Variants in ATAD2B observed in about 807,000 individuals in gnomAD.
ATAD2B encodes ATPase family AAA domain-containing protein 2B.
In ATAD2B, 40 loss-of-function variants were observed where a neutral mutation model predicts 167.6. The ratio of observed to expected loss-of-function variants is 0.24; its 90% CI spans 0.19 to 0.31. The LOEUF is 0.31. Among genes scored for constraint, ATAD2B ranks in the 10% least tolerant of loss-of-function variants. The pLI, the probability that ATAD2B is intolerant of heterozygous loss-of-function variation, is 1.00. For synonymous variants in ATAD2B, 579 were observed against 596.5 expected (o/e 0.97, Z 0.43); for missense variants, 1,242 against 1,757.2 (o/e 0.71, Z 5.24).
At chr2:23,922,701 C>CAAAAAAAAAAAA (rs11386515) in intron 1 of ATAD2B, among the ~76,000 whole-genome samples, 10 of 126,482 alleles carry the variant, frequency 7.9e-5, no homozygotes, top group African/African-American at 2.6e-4. Context: ...GACTCTGTCT[C>CAAAAAAAAAAAA]AAAAAAAAAA....
chr2:23,788,370 T>C, intron 20 of ATAD2B, 142 bp downstream of exon 20: 1 of 930,238 alleles, frequency 1.1e-6, no homozygotes, highest in Non-Finnish European at 1.6e-6. Flanking sequence ...CAATGGACAC[T>C]TCCACACGTC....
At chr2:23,682,699 C>T in the ATAD2B span, among the ~76,000 whole-genome samples, 7 of 152,234 alleles carry the variant, frequency 4.6e-5, no homozygotes, top group African/African-American at 7.2e-5. The surrounding 1 kb of genome is among the most constrained non-coding windows in gnomAD (Gnocchi z 4.1). Flanking sequence ...CGCACCCTCC[C>T]GCGCCCTCCC....
At chr2:23,836,418 G>A (rs151330668) in intron 13 of ATAD2B, among the ~76,000 whole-genome samples, 6,457 of 152,234 alleles carry the variant, frequency 0.042, 198 homozygotes, top group Middle Eastern at 0.086. Context: ...GCTCCCTGAA[G>A]GGCTGCAGCT....
intron 1 of ATAD2B, among the ~76,000 whole-genome samples, chr2:23,910,735 G>A (rs1164088944): frequency 6.6e-6 from 1 of 151,754 alleles, no homozygotes; most frequent in Non-Finnish European, 1.5e-5. Flanking sequence ...GGGCGTGGGG[G>A]AGCACGCCTG....
chr2:23,725,982 A>G, the ATAD2B span, among the ~76,000 whole-genome samples: 1 of 152,156 alleles, frequency 6.6e-6, no homozygotes, highest in African/African-American at 2.4e-5. Context: ...AAATAAAATG[A>G]GAGTGACACT....
the ATAD2B span, among the ~76,000 whole-genome samples, chr2:23,682,597 C>T: frequency 2.6e-5 from 4 of 152,146 alleles, no homozygotes; most frequent in South Asian, 2.1e-4. The surrounding 1 kb of genome is among the most constrained non-coding windows in gnomAD (Gnocchi z 4.1). Flanking sequence ...GATCTGGCCC[C>T]GCCCACCGCC....
At chr2:23,729,021 G>T in the ATAD2B span, among the ~76,000 whole-genome samples, 1 of 152,172 alleles carries the variant, frequency 6.6e-6, no homozygotes, top group Non-Finnish European at 1.5e-5. Flanking sequence ...AGGAGGAAGA[G>T]AAAGCAAGGG....
intron 19 of ATAD2B, among the ~76,000 whole-genome samples, chr2:23,795,101 A>G (rs182369992): frequency 1.0e-3 from 152 of 152,262 alleles, no homozygotes; most frequent in Non-Finnish European, 1.8e-3. Flanking sequence ...CTCTGTGAAT[A>G]ATGAGGTTTA....
chr2:23,688,094 G>A, the ATAD2B span, among the ~76,000 whole-genome samples: 1 of 152,178 alleles, frequency 6.6e-6, no homozygotes, highest in Non-Finnish European at 1.5e-5. Context: ...GTGGACAGGT[G>A]TGGCTTGGAA....
Position 23,883,509 on chromosome 2 carries a change from C to A in ATAD2B, c.784+1256G>T, listed in dbSNP as rs575024049. ...TAACACAGTATTACAAGCAGAATTT[C>A]TAAATATGGCATATCTACTTTGGAA... On this transcript the variant is annotated intron_variant, in intron 6 of 27. Transcript: ENST00000238789. 168 of 724,004 alleles carry A rather than the reference C, an allele frequency of 2.3e-4. 2 individuals are homozygous for A. The South Asian group carries it at 3.0e-3, about 13-fold the overall frequency. 44.8% of individuals were successfully genotyped at this position (724,004 alleles called of 1,614,324 possible). A position where few individuals can be genotyped will look rare whatever the true frequency, so the allele number is the denominator to read the frequency against.
chr2:23,856,860 TA>T (rs564276733), intron 13 of ATAD2B, among the ~76,000 whole-genome samples: 36 of 143,678 alleles, frequency 2.5e-4, no homozygotes, highest in Admixed American at 2.8e-4. Context: ...ACTCTGACTC[TA>T]AAAAAAAAAA....
intron 13 of ATAD2B, among the ~76,000 whole-genome samples, chr2:23,840,180 C>G (rs1690653359): frequency 6.6e-6 from 1 of 152,098 alleles, no homozygotes; most frequent in Non-Finnish European, 1.5e-5. Flanking sequence ...TACAAAAAAC[C>G]TGCTATAAAC....
At chr2:23,745,057 G>A (rs911263207), downstream of ATAD2B, among the ~76,000 whole-genome samples, 2 of 152,050 alleles carry the variant, frequency 1.3e-5, no homozygotes, top group South Asian at 2.1e-4. Context: ...AGGCCAAGGC[G>A]GGCAGATCAC....
At chr2:23,827,083 A>T (rs1007131645) in intron 15 of ATAD2B, among the ~76,000 whole-genome samples, 4 of 149,634 alleles carry the variant, frequency 2.7e-5, no homozygotes, top group Non-Finnish European at 6.0e-5. Flanking sequence ...TCTGAATTTG[A>T]TTTTTTTTTT....
At chr2:23,781,333 AAAAT>A (rs57132440) in intron 22 of ATAD2B, among the ~76,000 whole-genome samples, 2,149 of 144,522 alleles carry the variant, frequency 0.015, 23 homozygotes, top group African/African-American at 0.034. Context: ...TGACCACAAA[AAAAT>A]AAATAAATAA....
In ATAD2B at chr2:23,805,795, T is replaced by TAAAA. The variant is rs3030816; in HGVS notation, c.2454+4517_2454+4520dup. Among the ~76,000 whole-genome samples the TAAAA allele has an allele frequency of 3.0e-4, 30 of 100,956 alleles. 1 individual carries two copies. The highest frequency in any genetic ancestry group is 1.4e-3 in the East Asian group (3 of 2,098). The allele number at this position is 100,956 out of a possible 152,430, so 66.2% of individuals were successfully genotyped here. On this transcript the variant is annotated intron_variant, in intron 18 of 27. Transcript: ENST00000238789. ...ATCTCCAAATGGCATTATCAAGCTTTAAAAAAAAAAAAACAAATCTGATAC... is the reference window on the plus strand; with the variant it reads ...ATCTCCAAATGGCATTATCAAGCTTTAAAAAAAAAAAAAAAAACAAATCTGATAC...
chr2:23,696,415 GAC>G, the ATAD2B span: 1 of 1,551,614 alleles, frequency 6.4e-7, no homozygotes. The surrounding 1 kb of genome is among the most constrained non-coding windows in gnomAD (Gnocchi z 5.5). Context: ...TCTCCAGAAT[GAC>G]AGTCCCCCGC....
At chr2:23,696,352 G>A in the ATAD2B span, 1 of 1,551,588 alleles carries the variant, frequency 6.4e-7, no homozygotes, top group Non-Finnish European at 8.7e-7. The surrounding 1 kb of genome is among the most constrained non-coding windows in gnomAD (Gnocchi z 5.5). Flanking sequence ...AATCAGGGGT[G>A]ACGCTGGCTG....
chr2:23,844,398 A>G (rs1359792186), intron 13 of ATAD2B, among the ~76,000 whole-genome samples: 1 of 152,220 alleles, frequency 6.6e-6, no homozygotes, highest in Non-Finnish European at 1.5e-5. Context: ...TACATCTGGC[A>G]TCCAATAAAT....
Sources: allele counts gnomAD v4.1 joint callset (sites outside exome capture counted in the v4.1 genomes callset), GRCh38; gene constraint gnomAD v4.1.1; non-coding constraint Gnocchi (gnomAD v3.1); transcripts MANE v1.5; gene names NCBI Gene and HGNC (gene_info 2026-07-23, HGNC 2026-07-21).